The following TRPM3 variants were observed in gnomAD, a reference collection of about 807,000 sequenced individuals.
TRPM3 encodes the protein transient receptor potential cation channel subfamily M member 3.
TRPM3 carries 77 observed loss-of-function variants against 181.2 expected under a neutral mutation model. The observed-to-expected ratio is 0.42, with a 90% CI of 0.35 to 0.51. TRPM3 has a LOEUF of 0.51. Ranked by LOEUF, TRPM3 falls within the 20% of genes least tolerant of loss-of-function variation. The pLI is 0.01. For missense variants in TRPM3, 1,759 were observed against 2,196.7 expected (o/e 0.80, Z 3.98); for synonymous variants, 745 against 796.4 (o/e 0.94, Z 1.09).
At chr9:71,118,600 G>A (rs2072939419) in intron 1 of TRPM3, among the ~76,000 whole-genome samples, 1 of 152,174 alleles carries the variant, frequency 6.6e-6, no homozygotes, top group Non-Finnish European at 1.5e-5. Flanking sequence ...AAGCCATCAG[G>A]ACCTACACTG....
At chr9:70,743,570 C>T (rs1238967655) in intron 8 of TRPM3, among the ~76,000 whole-genome samples, 4 of 152,036 alleles carry the variant, frequency 2.6e-5, no homozygotes, top group African/African-American at 2.4e-5. Flanking sequence ...TGGGAGGTTA[C>T]ATTATGAGAG....
intron 1 of TRPM3, among the ~76,000 whole-genome samples, chr9:71,032,722 AT>A (rs1187545629): frequency 1.3e-5 from 2 of 152,112 alleles, no homozygotes; most frequent in Non-Finnish European, 2.9e-5. Context: ...GTGTCAGAAT[AT>A]TGTCCTTTGG....
chr9:71,134,302 C>T (rs776891172), intron 1 of TRPM3, among the ~76,000 whole-genome samples: 7 of 151,988 alleles, frequency 4.6e-5, no homozygotes, highest in Non-Finnish European at 7.4e-5. Flanking sequence ...CAGTGGCTCA[C>T]GCCTGTAATC....
intron 9 of TRPM3, among the ~76,000 whole-genome samples, chr9:70,672,313 G>A (rs1164822821): frequency 1.3e-5 from 2 of 152,140 alleles, no homozygotes; most frequent in Non-Finnish European, 1.5e-5. Context: ...CAGGAAAGAT[G>A]TTTCCTTCTG....
intron 1 of TRPM3, among the ~76,000 whole-genome samples, chr9:70,920,149 T>C (rs1436185564): frequency 3.3e-5 from 5 of 151,562 alleles, no homozygotes; most frequent in Admixed American, 2.0e-4. Context: ...GGACCAGTCT[T>C]TTTTTATTAC....
At position 70,536,684 on chromosome 9, in the gene TRPM3, T is replaced by A; in HGVS notation, c.4429A>T (p.Thr1477Ser). Residue 1477 changes from threonine (T) to serine (S), a missense_variant, in exon 26 of 26, where the codon ACC (threonine) becomes TCC (serine). Physicochemically the swap from Thr to Ser is moderately conservative, Grantham distance 58. This residue lies in a region of TRPM3 where 612 missense variants were observed against 590.0 expected (regional missense o/e 1.04). Transcript: ENST00000677713. The stretch of plus-strand genomic sequence containing the variant: ...GAAAAAGATCTAGTGTCCATGGAGG[T>A]GATGTCCTCAAAATCAATGCTCCGG... ...PSRSIDFEDITSMDTRSFSSD... is the reference protein window; with the variant it reads ...PSRSIDFEDISSMDTRSFSSD... The A allele has an allele frequency of 6.2e-7, 1 of 1,613,792 alleles. No homozygotes were observed. Among genetic ancestry groups the A allele is most frequent in the Non-Finnish European group, 8.5e-7 (1 of 1,179,964 alleles).
At chr9:70,971,030 C>A (rs1402107739) in intron 1 of TRPM3, among the ~76,000 whole-genome samples, 2 of 152,128 alleles carry the variant, frequency 1.3e-5, no homozygotes, top group African/African-American at 4.8e-5. Flanking sequence ...TTATCCCACT[C>A]GCTGTTATAC....
At chr9:71,204,195 A>G (rs1485204569) in intron 1 of TRPM3, among the ~76,000 whole-genome samples, 1 of 151,342 alleles carries the variant, frequency 6.6e-6, no homozygotes, top group Admixed American at 6.6e-5. Flanking sequence ...TGGCAACAAA[A>G]GCCAAAATTG....
chr9:71,244,538 AG>A (rs1284392852), intron 1 of TRPM3, among the ~76,000 whole-genome samples: 3 of 152,202 alleles, frequency 2.0e-5, no homozygotes, highest in Admixed American at 6.5e-5. Context: ...TGAGGGATAA[AG>A]GAATCAGTAT....
At chr9:71,097,366 C>T (rs904776696) in intron 1 of TRPM3, among the ~76,000 whole-genome samples, 1 of 151,878 alleles carries the variant, frequency 6.6e-6, no homozygotes, top group Non-Finnish European at 1.5e-5. Context: ...TGTACATACA[C>T]ATATATATGT....
intron 7 of TRPM3, among the ~76,000 whole-genome samples, chr9:70,780,371 C>T (rs982775068): frequency 2.0e-5 from 3 of 152,180 alleles, no homozygotes; most frequent in Admixed American, 1.3e-4. Flanking sequence ...TTCTCTATAT[C>T]CAATTCTATT....
At chr9:71,406,121 A>T (rs1016632570) in intron 1 of TRPM3, among the ~76,000 whole-genome samples, 3 of 152,172 alleles carry the variant, frequency 2.0e-5, no homozygotes, top group African/African-American at 7.2e-5. Flanking sequence ...TAAAAATACA[A>T]CAACAACACA....
chr9:71,039,156 G>A (rs1394313956), intron 1 of TRPM3, among the ~76,000 whole-genome samples: 1 of 152,174 alleles, frequency 6.6e-6, no homozygotes, highest in Non-Finnish European at 1.5e-5. Flanking sequence ...GGTCAGCGTG[G>A]TGTATGGACA....
chr9:71,348,509 T>C (rs1373633892), intron 1 of TRPM3, among the ~76,000 whole-genome samples: 5 of 151,250 alleles, frequency 3.3e-5, no homozygotes, highest in Admixed American at 3.3e-4. Flanking sequence ...GTCATTTTCA[T>C]AGTTTGGTAG....
chr9:70,846,692 C>T (rs1199525862), intron 3 of TRPM3, 101 bp from the exon 4 acceptor site: 17 of 942,718 alleles, frequency 1.8e-5, no homozygotes, highest in Admixed American at 7.6e-5. Flanking sequence ...GTGACAAAAA[C>T]GTCTCATATA....
intron 1 of TRPM3, among the ~76,000 whole-genome samples, chr9:71,030,618 T>G (rs2134657846): frequency 6.6e-6 from 1 of 152,056 alleles, no homozygotes; most frequent in Admixed American, 6.6e-5. Flanking sequence ...ATCCTTTGAC[T>G]AATCAGATGC....
intron 1 of TRPM3, among the ~76,000 whole-genome samples, chr9:71,101,381 C>G (rs2068348096): frequency 6.6e-6 from 1 of 152,076 alleles, no homozygotes. Context: ...TCCATGGAAA[C>G]TAATGTAGGA....
intron 1 of TRPM3, among the ~76,000 whole-genome samples, chr9:71,071,348 G>C (rs2062743163): frequency 6.6e-6 from 1 of 152,108 alleles, no homozygotes; most frequent in Non-Finnish European, 1.5e-5. Context: ...GGAATCTTTT[G>C]ATTACAAAAG....
chr9:71,087,435 T>C (rs1014886155), intron 1 of TRPM3, among the ~76,000 whole-genome samples: 2 of 152,100 alleles, frequency 1.3e-5, no homozygotes, highest in African/African-American at 2.4e-5. Context: ...GTTTATGACA[T>C]TGAGCAAGCA....
Sources: gnomAD v4.1 joint callset for allele counts (sites outside exome capture counted in the v4.1 genomes callset) on GRCh38, gnomAD v4.1.1 for gene constraint, gnomAD v4.1.1 regional missense constraint, MANE v1.5 for transcripts, NCBI Gene and HGNC (gene_info 2026-07-23, HGNC 2026-07-21) for gene names.